ADAM18: variants seen among roughly 807,000 people sequenced by gnomAD.
ADAM18 encodes the protein ADAM metallopeptidase domain 18.
A neutral mutation model predicts 94.4 loss-of-function variants in ADAM18; 117 were observed. The observed-to-expected ratio is 1.24, with a 90% CI of 1.07 to 1.45. The LOEUF is 1.45. Ranked by LOEUF, ADAM18 falls within the 40% of genes most tolerant of loss-of-function variation. ADAM18 has a pLI of 0.00. For synonymous variants in ADAM18, 327 were observed against 291.6 expected, an observed-to-expected ratio of 1.12 and a Z score of -1.24; for missense variants, 936 against 880.0, an observed-to-expected ratio of 1.06 and a Z score of -0.81.
chr8:39,685,024 AG>A, intron 16 of ADAM18: 1 of 152,328 alleles, frequency 6.6e-6, no homozygotes, highest in African/African-American at 2.4e-5. Context: ...AGCCCTTAAA[AG>A]GGACAGGAAT....
chr8:39,629,603 C>T (rs1191601532), intron 7 of ADAM18, among the ~76,000 whole-genome samples, 164 bp downstream of exon 7: 1 of 150,724 alleles, frequency 6.6e-6, no homozygotes, highest in Non-Finnish European at 1.5e-5. Flanking sequence ...CCTCCCCTCC[C>T]CTCTGTCTTC....
intron 12 of ADAM18, among the ~76,000 whole-genome samples, chr8:39,660,177 GAAGAA>G (rs1244014052): frequency 6.6e-6 from 1 of 151,856 alleles, no homozygotes; most frequent in Non-Finnish European, 1.5e-5. Flanking sequence ...AACAAGAGAA[GAAGAA>G]AAGAACAAAA....
intron 18 of ADAM18, among the ~76,000 whole-genome samples, chr8:39,714,187 G>A (rs904279005): frequency 6.6e-6 from 1 of 152,066 alleles, no homozygotes; most frequent in African/African-American, 2.4e-5. Flanking sequence ...AACTATCACA[G>A]GACAGAAAAC....
At chr8:39,724,183 T>G (rs1343289929) in intron 19 of ADAM18, among the ~76,000 whole-genome samples, 2 of 151,744 alleles carry the variant, frequency 1.3e-5, no homozygotes, top group Non-Finnish European at 3.0e-5. Context: ...TTATTTTAAG[T>G]GCCCTTCTAG....
intron 2 of ADAM18, among the ~76,000 whole-genome samples, chr8:39,589,070 G>A (rs146961901): frequency 3.0e-4 from 45 of 152,226 alleles, no homozygotes; most frequent in African/African-American, 7.2e-5. Context: ...TGGCTTGGGA[G>A]GGCTTACATT....
intron 2 of ADAM18, among the ~76,000 whole-genome samples, chr8:39,593,170 A>G (rs1818627300): frequency 6.6e-6 from 1 of 152,186 alleles, no homozygotes; most frequent in Non-Finnish European, 1.5e-5. Context: ...TTTCCAGATT[A>G]AGCTTTAGCT....
intron 18 of ADAM18, among the ~76,000 whole-genome samples, chr8:39,717,156 A>G (rs1409737256): frequency 1.3e-5 from 2 of 151,802 alleles, no homozygotes; most frequent in Non-Finnish European, 2.9e-5. Flanking sequence ...TGGCTCATAT[A>G]AAGTAACTTA....
intron 2 of ADAM18, among the ~76,000 whole-genome samples, chr8:39,589,615 AAT>A (rs1425166538): frequency 4.6e-5 from 7 of 151,708 alleles, no homozygotes; most frequent in Non-Finnish European, 8.8e-5. Flanking sequence ...CACATGAAGA[AAT>A]ATATATATAA....
intron 2 of ADAM18, among the ~76,000 whole-genome samples, chr8:39,599,410 A>C (rs756458603): frequency 1.3e-5 from 2 of 152,174 alleles, no homozygotes; most frequent in Admixed American, 6.6e-5. Context: ...CTATCTCTTG[A>C]AAGAGATTGT....
In ADAM18 at chr8:39,729,926, GACGTGGGACATTA is replaced by G. The variant is rs765652575; in HGVS notation, c.2208_2220del (p.Val737IlefsTer9). 3.7e-6 allele frequency: 6 copies of G among 1,613,420 alleles called. No homozygotes were observed. Among genetic ancestry groups the G allele is most frequent in the Non-Finnish European group, 4.2e-6 (5 of 1,179,400 alleles). On this transcript the variant is annotated frameshift_variant and stop_lost, in exon 20 of 20. Coordinates refer to ENST00000265707, the MANE Select transcript of ADAM18 (RefSeq NM_014237.3). LOFTEE classifies it high-confidence loss of function. ...TTCATCCGTTGTATCAGAAAGCGAT[GACGTGGGACATTA>G]ATATTGCACAGAACTTCCATAGCAA...
chr8:39,612,167 C>T (rs1408164431), intron 6 of ADAM18, among the ~76,000 whole-genome samples: 1 of 148,758 alleles, frequency 6.7e-6, no homozygotes, highest in Non-Finnish European at 1.5e-5. Flanking sequence ...GCAAAGATGG[C>T]CAACTGGACA....
intron 12 of ADAM18, among the ~76,000 whole-genome samples, chr8:39,659,747 T>G (rs1010217590): frequency 6.6e-6 from 1 of 152,050 alleles, no homozygotes; most frequent in African/African-American, 2.4e-5. Context: ...GCAAGGGAAC[T>G]TCATAATCAA....
chr8:39,712,175 C>T (rs541845233), intron 18 of ADAM18, among the ~76,000 whole-genome samples: 1 of 152,030 alleles, frequency 6.6e-6, no homozygotes, highest in Admixed American at 6.6e-5. Context: ...ATCCCATAAA[C>T]AGAACCAATG....
chr8:39,663,731 G>C lies in ADAM18; in HGVS notation c.1231-64G>C, dbSNP rs1231787999. 17 of 1,003,396 alleles carry C rather than the reference G, an allele frequency of 1.7e-5. No individual in the cohort carries two copies. The East Asian group carries it at 4.0e-4, about 23-fold the overall frequency. The allele number at this position is 1,003,396 out of a possible 1,614,324, so 62.2% of individuals were successfully genotyped here. A position where few individuals can be genotyped will look rare whatever the true frequency, so the allele number is the denominator to read the frequency against. ...CAACAGAATATTAAATTGAAATTGA[G>C]ATTAAGAAACAAGAGCTTTTAAGTG... On this transcript the variant is annotated intron_variant, in intron 12 of 19. Transcript: ENST00000265707.
intron 12 of ADAM18, among the ~76,000 whole-genome samples, chr8:39,656,099 TTG>T (rs1328428352): frequency 6.6e-6 from 1 of 152,044 alleles, no homozygotes; most frequent in African/African-American, 2.4e-5. Context: ...CTAGCAGGAA[TTG>T]TGTTTGCATA....
chr8:39,727,044 A>G (rs2129582003), intron 19 of ADAM18, among the ~76,000 whole-genome samples: 1 of 152,308 alleles, frequency 6.6e-6, no homozygotes, highest in South Asian at 2.1e-4. Flanking sequence ...ATTCCCAGAG[A>G]AAGTTGTATA....
chr8:39,690,798 A>G (rs1283262297), intron 16 of ADAM18, among the ~76,000 whole-genome samples: 1 of 152,214 alleles, frequency 6.6e-6, no homozygotes, highest in African/African-American at 2.4e-5. Flanking sequence ...AGCAGTTTGG[A>G]GATTTCTCAA....
chr8:39,632,562 T>G (rs1056865297), intron 7 of ADAM18, among the ~76,000 whole-genome samples: 7 of 152,160 alleles, frequency 4.6e-5, no homozygotes, highest in Admixed American at 2.6e-4. Flanking sequence ...TTTTATTTAA[T>G]ATTTTGTTTT....
intron 6 of ADAM18, among the ~76,000 whole-genome samples, chr8:39,612,711 A>G (rs1001343985): frequency 2.0e-5 from 3 of 152,132 alleles, no homozygotes; most frequent in Non-Finnish European, 2.9e-5. Context: ...TGTCTGACAT[A>G]TTCTTCTGGG....
Sources: gnomAD v4.1 joint callset for allele counts (sites outside exome capture counted in the v4.1 genomes callset) on GRCh38, gnomAD v4.1.1 for gene constraint, MANE v1.5 for transcripts, NCBI Gene and HGNC (gene_info 2026-07-23, HGNC 2026-07-21) for gene names.